Variants in EHBP1 observed in about 807,000 individuals in gnomAD.
The protein encoded by EHBP1 is EH domain-binding protein 1.
A neutral mutation model predicts 144.0 loss-of-function variants in EHBP1; 55 were observed. The ratio of observed to expected loss-of-function variants is 0.38; its 90% CI spans 0.31 to 0.48. The LOEUF (loss-of-function observed/expected upper bound fraction) is 0.48, where lower values mean the gene tolerates loss of function less well. Ranked by LOEUF, EHBP1 falls within the 20% of genes least tolerant of loss-of-function variation. EHBP1 has a pLI of 0.98. For missense variants in EHBP1, 1,200 were observed against 1,364.2 expected (o/e 0.88, Z 1.90); for synonymous variants, 469 against 472.7 (o/e 0.99, Z 0.10).
At chr2:62,693,303 A>C (rs1224745265) in intron 1 of EHBP1, among the ~76,000 whole-genome samples, 1 of 152,142 alleles carries the variant, frequency 6.6e-6, no homozygotes, top group Non-Finnish European at 1.5e-5. Flanking sequence ...GGCATTGTGA[A>C]TAGTGATTCA....
At chr2:62,996,935 G>A (rs1208906576) in intron 19 of EHBP1, among the ~76,000 whole-genome samples, 169 bp downstream of exon 19, 3 of 152,086 alleles carry the variant, frequency 2.0e-5, no homozygotes, top group Non-Finnish European at 4.4e-5. Flanking sequence ...TGATAAGAGT[G>A]CCTTCATGGG....
chr2:62,750,044 A>C (rs1481680077), intron 3 of EHBP1, among the ~76,000 whole-genome samples: 2 of 152,342 alleles, frequency 1.3e-5, no homozygotes, highest in South Asian at 2.1e-4. Context: ...TGTTTTAGAC[A>C]TGAAGTCCTT....
intron 10 of EHBP1, among the ~76,000 whole-genome samples, chr2:62,891,242 A>G (rs1471256428): frequency 6.6e-6 from 1 of 152,178 alleles, no homozygotes; most frequent in Non-Finnish European, 1.5e-5. Context: ...ATAACAGAAT[A>G]TAAACTGTAA....
chr2:62,832,170 C>A (rs2046862583), intron 7 of EHBP1, among the ~76,000 whole-genome samples: 1 of 152,064 alleles, frequency 6.6e-6, no homozygotes, highest in Admixed American at 6.5e-5. Context: ...GTGTGTTTTA[C>A]CATGTGCTTT....
chr2:62,820,781 T>TGC (rs1553429798), intron 5 of EHBP1, among the ~76,000 whole-genome samples: 15 of 114,296 alleles, frequency 1.3e-4, no homozygotes, highest in African/African-American at 4.4e-4. Context: ...TATATATATA[T>TGC]GCACATCTAG....
intron 5 of EHBP1, among the ~76,000 whole-genome samples, chr2:62,817,379 A>G (rs898679800): frequency 1.3e-5 from 2 of 152,152 alleles, no homozygotes; most frequent in Non-Finnish European, 2.9e-5. Flanking sequence ...TAGTAATGGA[A>G]ATAGCAAATG....
At chr2:62,786,432 G>A (rs2042807893) in intron 5 of EHBP1, among the ~76,000 whole-genome samples, 2 of 152,140 alleles carry the variant, frequency 1.3e-5, no homozygotes, top group African/African-American at 4.8e-5. Flanking sequence ...TATGTTAGCT[G>A]TAAGCCAATC....
intron 1 of EHBP1, among the ~76,000 whole-genome samples, chr2:62,684,322 TG>T (rs1350725288): frequency 6.8e-6 from 1 of 147,628 alleles, no homozygotes; most frequent in Admixed American, 6.8e-5. Flanking sequence ...GGGGGTAGAG[TG>T]GGGGAGGTAA....
intron 1 of EHBP1, among the ~76,000 whole-genome samples, chr2:62,687,393 T>C (rs1258277054): frequency 6.6e-6 from 1 of 152,252 alleles, no homozygotes; most frequent in Non-Finnish European, 1.5e-5. Context: ...CTTGTTCACC[T>C]ATGTGAAGTC....
chr2:62,865,098 G>A (rs372375294), intron 9 of EHBP1, 127 bp downstream of exon 9: 53 of 1,053,174 alleles, frequency 5.0e-5, no homozygotes, highest in East Asian at 4.6e-4. Context: ...TATCTAACTC[G>A]TCCACTATCT....
At chr2:62,922,571 G>T (rs1344949221) in intron 10 of EHBP1, among the ~76,000 whole-genome samples, 1 of 152,162 alleles carries the variant, frequency 6.6e-6, no homozygotes, top group South Asian at 2.1e-4. Flanking sequence ...AATTTAAAAA[G>T]GTTATAGGGA....
chr2:63,037,482 A>G (rs978914576), intron 19 of EHBP1, 53 bp from the exon 20 acceptor site: 18 of 1,191,920 alleles, frequency 1.5e-5, no homozygotes, highest in African/African-American at 1.1e-4. Context: ...CTAAACTACT[A>G]TTTGGCTTGT....
intron 5 of EHBP1, among the ~76,000 whole-genome samples, chr2:62,792,517 G>A (rs768096918): frequency 4.6e-5 from 7 of 152,000 alleles, no homozygotes; most frequent in Non-Finnish European, 8.8e-5. Flanking sequence ...TTTACAAATA[G>A]TAGATCCTCA....
At chr2:62,858,441 G>A (rs981010274) in intron 7 of EHBP1, 1 of 1,611,052 alleles carries the variant, frequency 6.2e-7, no homozygotes. Context: ...GAGCAGCTTA[G>A]ATGAAGATCA....
intron 7 of EHBP1, among the ~76,000 whole-genome samples, chr2:62,838,195 G>A (rs542966187): frequency 0.015 from 2,341 of 152,130 alleles, 73 homozygotes; most frequent in African/African-American, 0.054. Context: ...CCCACTCAAA[G>A]CCGCTCAACT....
intron 10 of EHBP1, among the ~76,000 whole-genome samples, chr2:62,921,017 C>G (rs1016298745): frequency 2.0e-5 from 3 of 152,094 alleles, no homozygotes; most frequent in Non-Finnish European, 2.9e-5. Context: ...TTTGGATAAA[C>G]AGTGTGTAAA....
At chr2:62,909,195 C>A (rs986814863) in intron 10 of EHBP1, among the ~76,000 whole-genome samples, 1 of 152,092 alleles carries the variant, frequency 6.6e-6, no homozygotes, top group Non-Finnish European at 1.5e-5. Context: ...TCCCCCCACC[C>A]CGAGACAAGG....
chr2:63,036,050 TC>T (rs1489200561), intron 19 of EHBP1, among the ~76,000 whole-genome samples: 2 of 152,056 alleles, frequency 1.3e-5, no homozygotes, highest in African/African-American at 4.8e-5. Context: ...TCAACTATTC[TC>T]CCTACTGGTA....
intron 12 of EHBP1, among the ~76,000 whole-genome samples, 159 bp from the exon 13 acceptor site, chr2:62,948,101 C>A (rs1428693594): frequency 6.6e-6 from 1 of 152,164 alleles, no homozygotes; most frequent in African/African-American, 2.4e-5. Flanking sequence ...CCTCTCCCCC[C>A]ACTTTTACAC....
Sources: allele counts gnomAD v4.1 joint callset (sites outside exome capture counted in the v4.1 genomes callset), GRCh38; gene constraint gnomAD v4.1.1; transcripts MANE v1.5; gene names NCBI Gene and HGNC (gene_info 2026-07-23, HGNC 2026-07-21).